ATOSA: variants seen among roughly 807,000 people sequenced by gnomAD.
ATOSA encodes the protein atos homolog protein A.
chr15:52,611,498 AC>A, the ATOSA span: 3 of 1,436,072 alleles, frequency 2.1e-6, no homozygotes, highest in East Asian at 7.0e-5. Context: ...AAGACATGAT[AC>A]ATTAAAATAA....
the ATOSA span, chr15:52,656,333 TTA>T: frequency 1.3e-5 from 2 of 152,124 alleles, no homozygotes; most frequent in African/African-American, 4.8e-5. Context: ...AAGCCATACA[TTA>T]TATTGACTTC....
the ATOSA span, among the ~76,000 whole-genome samples, chr15:52,667,289 T>C: frequency 6.6e-6 from 1 of 152,244 alleles, no homozygotes; most frequent in Non-Finnish European, 1.5e-5. Context: ...TAATTTTTTA[T>C]CATATTCTTA....
chr15:52,605,094 T>A, the ATOSA span: 1 of 1,298,858 alleles, frequency 7.7e-7, no homozygotes, highest in East Asian at 2.4e-5. Flanking sequence ...TTCAGATGTA[T>A]GTAAGTTCTA....
At chr15:52,695,741 T>G in the ATOSA span, among the ~76,000 whole-genome samples, 3 of 152,016 alleles carry the variant, frequency 2.0e-5, no homozygotes, top group African/African-American at 7.2e-5. Flanking sequence ...CCAGATAAGG[T>G]TGTCAGGGTA....
At chr15:52,619,049 A>C in the ATOSA span, among the ~76,000 whole-genome samples, 1 of 152,238 alleles carries the variant, frequency 6.6e-6, no homozygotes, top group Non-Finnish European at 1.5e-5. Flanking sequence ...GTTAATTACC[A>C]ATGTAACTAT....
At chr15:52,635,493 G>C in the ATOSA span, among the ~76,000 whole-genome samples, 2 of 151,960 alleles carry the variant, frequency 1.3e-5, no homozygotes, top group South Asian at 4.2e-4. Flanking sequence ...AGGAGTTCAA[G>C]AACAACCTGG....
the ATOSA span, among the ~76,000 whole-genome samples, chr15:52,625,382 T>C: frequency 6.6e-6 from 1 of 152,180 alleles, no homozygotes; most frequent in African/African-American, 2.4e-5. Flanking sequence ...ACTATTATTT[T>C]ATTATTAGTT....
At chr15:52,607,482 T>C in the ATOSA span, among the ~76,000 whole-genome samples, 1 of 152,160 alleles carries the variant, frequency 6.6e-6, no homozygotes, top group Non-Finnish European at 1.5e-5. Context: ...TCCTTGATTA[T>C]TGTGAGGTAG....
At chr15:52,659,808 A>T in the ATOSA span, among the ~76,000 whole-genome samples, 1 of 152,282 alleles carries the variant, frequency 6.6e-6, no homozygotes, top group East Asian at 1.9e-4. Flanking sequence ...GGAGTTCAAG[A>T]CCATCTTGGC....
chr15:52,590,623 G>C, the ATOSA span: 2 of 152,178 alleles, frequency 1.3e-5, no homozygotes, highest in South Asian at 4.1e-4. Flanking sequence ...TCGCTCTGCT[G>C]GTCTGTGATA....
the ATOSA span, among the ~76,000 whole-genome samples, chr15:52,620,520 C>T: frequency 6.6e-6 from 1 of 152,184 alleles, no homozygotes; most frequent in Non-Finnish European, 1.5e-5. Flanking sequence ...TTTCCCATTG[C>T]TAGGCTGTTA....
chr15:52,704,392 C>A, the ATOSA span, among the ~76,000 whole-genome samples: 1 of 152,130 alleles, frequency 6.6e-6, no homozygotes, highest in Admixed American at 6.5e-5. Flanking sequence ...AGACCTAAAA[C>A]CATAAAAACC....
the ATOSA span, among the ~76,000 whole-genome samples, chr15:52,645,168 G>A: frequency 6.6e-6 from 1 of 152,238 alleles, no homozygotes; most frequent in East Asian, 1.9e-4. Flanking sequence ...GTCAGGCGCA[G>A]TGGCTCATGC....
the ATOSA span, among the ~76,000 whole-genome samples, chr15:52,707,746 C>T: frequency 6.6e-6 from 1 of 151,932 alleles, no homozygotes; most frequent in African/African-American, 2.4e-5. Flanking sequence ...GCCACATACT[C>T]CCGAATGATT....
chr15:52,651,424 T>C, the ATOSA span, among the ~76,000 whole-genome samples: 2 of 152,236 alleles, frequency 1.3e-5, no homozygotes, highest in Non-Finnish European at 2.9e-5. Flanking sequence ...ATTCTGACAA[T>C]CTTTGTCAAA....
chr15:52,634,526 C>T, the ATOSA span, among the ~76,000 whole-genome samples: 1,545 of 150,860 alleles, frequency 0.01, 25 homozygotes, highest in African/African-American at 0.036. Flanking sequence ...AAAAGGCAGA[C>T]GTTGTGAGAT....
the ATOSA span, among the ~76,000 whole-genome samples, chr15:52,684,547 CAAAT>C: frequency 7.9e-5 from 12 of 152,120 alleles, no homozygotes; most frequent in South Asian, 2.1e-4. Flanking sequence ...TAAAGACAAA[CAAAT>C]AAATTTTTGA....
At chr15:52,649,446 A>G in the ATOSA span, 1 of 152,140 alleles carries the variant, frequency 6.6e-6, no homozygotes, top group Non-Finnish European at 1.5e-5. Context: ...TAAGTTACAT[A>G]TTTTTTAAAG....
chr15:52,696,223 C>T, the ATOSA span, among the ~76,000 whole-genome samples: 1 of 152,212 alleles, frequency 6.6e-6, no homozygotes, highest in East Asian at 1.9e-4. Context: ...CTCTGTCTTA[C>T]CGAAGCTAGA....
Sources: allele counts gnomAD v4.1 joint callset (sites outside exome capture counted in the v4.1 genomes callset), GRCh38; gene constraint gnomAD v4.1.1; transcripts MANE v1.5; gene names NCBI Gene and HGNC (gene_info 2026-07-23, HGNC 2026-07-21).